The following LRIG2 variants were observed in gnomAD, a reference collection of about 807,000 sequenced individuals.
LRIG2 encodes leucine rich repeats and immunoglobulin like domains 2.
Under a neutral mutation model 107.8 loss-of-function variants are expected in LRIG2, and 93 were observed. The ratio of observed to expected loss-of-function variants is 0.86; its 90% CI spans 0.73 to 1.03. The LOEUF (loss-of-function observed/expected upper bound fraction) is 1.03. Among genes scored for constraint, LRIG2 ranks in the 50% least tolerant of loss-of-function variants. LRIG2 has a pLI of 0.00. For synonymous variants in LRIG2, 471 were observed against 470.6 expected, an observed-to-expected ratio of 1.00 and a Z score of -0.01; for missense variants, 1,226 against 1,296.0, an observed-to-expected ratio of 0.95 and a Z score of 0.83.
At chr1:113,109,825 A>G (rs1187944831) in intron 12 of LRIG2, among the ~76,000 whole-genome samples, 1 of 152,154 alleles carries the variant, frequency 6.6e-6, no homozygotes, top group African/African-American at 2.4e-5. Context: ...GGCCATATAC[A>G]TGTTTATCTA....
chr1:113,119,297 C>A lies in LRIG2; in HGVS notation c.2745C>A (p.Thr915=). ...CYDNANIYSR[T]REYCPYTYIA... ...ACAATGCCAACATCTACTCCAGGAC[C>A]CGAGAATACTGTCCATACACCTATA... Residue 915 remains threonine (T), a synonymous_variant, in exon 17 of 18, where the codon ACC becomes ACA. Coordinates refer to ENST00000361127, the MANE Select transcript of LRIG2 (RefSeq NM_014813.3). The A allele has an allele frequency of 6.2e-7, 1 of 1,614,024 alleles. No homozygotes were observed. Among genetic ancestry groups the A allele is most frequent in the Non-Finnish European group, 8.5e-7 (1 of 1,179,998 alleles).
chr1:113,112,445 G>T (rs1654809433), intron 13 of LRIG2, 34 bp from the exon 14 acceptor site: 2 of 1,580,952 alleles, frequency 1.3e-6, no homozygotes, highest in Non-Finnish European at 1.7e-6. Flanking sequence ...TTGTTCCCTT[G>T]CCCACTTTTT....
At chr1:113,094,129 C>T (rs992058398) in intron 4 of LRIG2, among the ~76,000 whole-genome samples, 12 of 152,158 alleles carry the variant, frequency 7.9e-5, no homozygotes, top group Non-Finnish European at 2.9e-5. Flanking sequence ...AAAGCATATT[C>T]ACACATGCTG....
Position 113,107,608 on chromosome 1 carries a change from GC to G in LRIG2, c.1329del (p.Ser443ArgfsTer9). 6.8e-6 allele frequency: 11 copies of G among 1,609,356 alleles called. No individual in the cohort carries two copies. Among genetic ancestry groups the G allele is most frequent in the Non-Finnish European group, 9.3e-6 (11 of 1,178,972 alleles). On this transcript the variant is annotated frameshift_variant, in exon 12 of 18. Coordinates refer to ENST00000361127, the MANE Select transcript of LRIG2 (RefSeq NM_014813.3). LOFTEE classifies it high-confidence loss of function. ...THLKELILNT[S>X]SLLCDCHLKW... ...CTTTCCTGCAGGATTCTGAACACAA[GC>G]AGTTTGCTCTGTGACTGCCATTTGA...
chr1:113,106,721 T>A (rs1016318439), intron 11 of LRIG2, among the ~76,000 whole-genome samples: 7 of 152,118 alleles, frequency 4.6e-5, no homozygotes, highest in Non-Finnish European at 4.4e-5. Flanking sequence ...GCCAGGCTGG[T>A]CTGGAACTCC....
At position 113,091,331 on chromosome 1, in the gene LRIG2, A is replaced by T; in HGVS notation, c.253A>T (p.Asn85Tyr). ...GTCCTCTTTCAGGGATTTCAGTCAT[A>T]ATCGGTTGTCTAACTGGAACATCAG... ...PDTAILDFSH[N>Y]RLSNWNISLE... Residue 85 changes from asparagine (N) to tyrosine (Y), a missense_variant, in exon 2 of 18, where the codon AAT (asparagine) becomes TAT (tyrosine). Physicochemically the swap from Asn to Tyr is moderately radical, Grantham distance 143 (BLOSUM62 -2). This residue lies in a region of LRIG2 where 570 missense variants were observed against 550.2 expected (regional missense o/e 1.04). Coordinates refer to ENST00000361127, the MANE Select transcript of LRIG2 (RefSeq NM_014813.3). 1 of 1,604,594 alleles carries T rather than the reference A, an allele frequency of 6.2e-7. No homozygotes were observed. The highest frequency in any genetic ancestry group is 8.5e-7 in the Non-Finnish European group (1 of 1,173,632).
chr1:113,100,552 T>A, intron 11 of LRIG2, 64 bp downstream of exon 11: 1 of 981,784 alleles, frequency 1.0e-6, no homozygotes, highest in African/African-American at 1.6e-5. Flanking sequence ...GTGCTTAAAG[T>A]GTGATGGGAG....
intron 16 of LRIG2, among the ~76,000 whole-genome samples, chr1:113,117,412 CTGGG>C (rs1218310496): frequency 6.6e-6 from 1 of 152,212 alleles, no homozygotes; most frequent in East Asian, 1.9e-4. Context: ...CTTTTTTAGG[CTGGG>C]TGTCAACAGA....
Position 113,110,329 on chromosome 1 carries a change from T to C in LRIG2, c.1565T>C (p.Val522Ala), listed in dbSNP as rs768310520. The part of the protein sequence containing the change: ...GMNVTLTCTA[V>A]SSSDSPMSTV... ...AATGTGACTCTGACGTGCACTGCAG[T>C]GAGCAGCAGTGATTCACCCATGTCC... The change falls in exon 13 of 18, where the codon GTG (valine) becomes GCG (alanine). Residue 522 changes from valine to alanine, a missense_variant. By Grantham distance (64) the Val-to-Ala change is moderately conservative. This residue lies in a region of LRIG2 where 642 missense variants were observed against 712.2 expected (regional missense o/e 0.90). Transcript: ENST00000361127. 4 of 1,612,026 alleles carry C rather than the reference T, an allele frequency of 2.5e-6. No individual in the cohort carries two copies. The highest frequency in any genetic ancestry group is 2.5e-6 in the Non-Finnish European group (3 of 1,178,102).
intron 1 of LRIG2, among the ~76,000 whole-genome samples, chr1:113,080,255 G>C (rs1225550061): frequency 6.6e-6 from 1 of 151,928 alleles, no homozygotes; most frequent in African/African-American, 2.4e-5. Context: ...TCCTGACCTC[G>C]TGATTGGCCC....
chr1:113,110,219 C>A, intron 12 of LRIG2, 23 bp from the exon 13 acceptor site: 1 of 1,503,940 alleles, frequency 6.6e-7, no homozygotes, highest in Non-Finnish European at 9.0e-7. Flanking sequence ...GACTTGGCTA[C>A]GGATGCATTT....
At chr1:113,102,765 A>G (rs1654361374) in intron 11 of LRIG2, among the ~76,000 whole-genome samples, 1 of 152,178 alleles carries the variant, frequency 6.6e-6, no homozygotes, top group Non-Finnish European at 1.5e-5. Context: ...GCTTTCTTGT[A>G]TGCATTAGGA....
At chr1:113,097,184 TATAA>T (rs202152981) in intron 8 of LRIG2, among the ~76,000 whole-genome samples, 2,076 of 150,300 alleles carry the variant, frequency 0.014, 56 homozygotes, top group African/African-American at 0.048. Flanking sequence ...TATATTTATA[TATAA>T]ATATATCTAA....
chr1:113,121,285 A>G (rs1293397252), intron 17 of LRIG2, among the ~76,000 whole-genome samples: 2 of 152,200 alleles, frequency 1.3e-5, no homozygotes, highest in African/African-American at 2.4e-5. Context: ...AGAAATATAC[A>G]TTATATTGTA....
rs1655655818 is a variant in LRIG2 at position 113,130,251 on chromosome 1, G to GC, written c.*6151dup. 6.6e-6 allele frequency: 1 copy of GC among 152,118 alleles called. No individual in the cohort carries two copies. The highest frequency in any genetic ancestry group is 2.1e-4 in the South Asian group (1 of 4,832). The allele number at this position is 152,118 out of a possible 1,614,324, so 9.4% of individuals were successfully genotyped here. ...AGCAGGAACCCATTCCAATGTCCAA[G>GC]CTCCCCTAAAGTGCCAACTCAGAAT... On this transcript the variant is annotated 3_prime_UTR_variant, in exon 18 of 18. Transcript: ENST00000361127.
intron 1 of LRIG2, among the ~76,000 whole-genome samples, chr1:113,078,499 A>T (rs990038771): frequency 2.6e-5 from 4 of 151,972 alleles, no homozygotes; most frequent in African/African-American, 4.8e-5. Context: ...TCGGCCTCCC[A>T]TGGATTTAGT....
intron 13 of LRIG2, 131 bp downstream of exon 13, chr1:113,110,693 T>C: frequency 1.4e-6 from 1 of 716,526 alleles, no homozygotes; most frequent in South Asian, 1.9e-5. Context: ...TTTTGAGTTG[T>C]GATAACTTAT....
At position 113,125,169 on chromosome 1, in the gene LRIG2, G is replaced by T. The variant is rs1428481969; in HGVS notation, c.*1068G>T. On this transcript the variant is annotated 3_prime_UTR_variant, in exon 18 of 18. Coordinates refer to ENST00000361127, the MANE Select transcript of LRIG2 (RefSeq NM_014813.3). ...GACAGAGTGAGGCCCTGGCTCAAAA[G>T]TAAAATAAATAAATAAAAAGTTTTA... The T allele has an allele frequency of 1.3e-5, 2 of 152,044 alleles. No homozygotes were observed. The highest frequency in any genetic ancestry group is 2.9e-5 in the Non-Finnish European group (2 of 67,988). 9.4% of individuals were successfully genotyped at this position (152,044 alleles called of 1,614,324 possible).
At chr1:113,074,260 C>T (rs1409220694) in intron 1 of LRIG2, among the ~76,000 whole-genome samples, 1 of 152,170 alleles carries the variant, frequency 6.6e-6, no homozygotes, top group African/African-American at 2.4e-5. Flanking sequence ...TTAAACTTCA[C>T]TGTAAAGAGG....
Sources: allele counts gnomAD v4.1 joint callset (sites outside exome capture counted in the v4.1 genomes callset), GRCh38; gene constraint gnomAD v4.1.1; regional missense constraint gnomAD v4.1.1; transcripts MANE v1.5; gene names NCBI Gene and HGNC (gene_info 2026-07-23, HGNC 2026-07-21).